Variants in CR2 observed in about 807,000 individuals in gnomAD.
CR2 encodes the protein complement receptor type 2.
CR2 carries 96 observed loss-of-function variants against 123.0 expected under a neutral mutation model. The ratio of observed to expected loss-of-function variants is 0.78; its 90% CI spans 0.66 to 0.93. The LOEUF (loss-of-function observed/expected upper bound fraction) is 0.93. CR2 is among the 40% of genes least tolerant of loss of function. CR2 has a pLI of 0.00. For missense variants in CR2, 1,258 were observed against 1,361.0 expected, an observed-to-expected ratio of 0.92 and a Z score of 1.19; for synonymous variants, 484 against 469.5, an observed-to-expected ratio of 1.03 and a Z score of -0.40.
At position 207,466,519 on chromosome 1, in the gene CR2, T is replaced by C. The variant is rs1198015464; in HGVS notation, c.59-7T>C. 1 of 1,613,966 alleles carries C rather than the reference T, an allele frequency of 6.2e-7. No homozygotes were observed. The highest frequency in any genetic ancestry group is 8.5e-7 in the Non-Finnish European group (1 of 1,179,962). On this transcript the variant is annotated splice_region_variant and splice_polypyrimidine_tract_variant and intron_variant, in intron 1 of 19. Transcript: ENST00000367057. ...TATGCCTACCAAGTTCCTTTTCTAC[T>C]TTTCAGGGATTTCTTGTGGCTCTCC...
Position 207,469,794 on chromosome 1 carries a change from A to T in CR2, c.917A>T (p.Asp306Val). The T allele has an allele frequency of 3.7e-6, 6 of 1,613,952 alleles. No homozygotes were observed. Among genetic ancestry groups the T allele is most frequent in the Non-Finnish European group, 5.1e-6 (6 of 1,179,944 alleles). ...GGAAGCATAGTCACTTACACTTGTG[A>T]CCCGGACCCAGAGGAAGGAGTGAAC... is the stretch of plus-strand genomic sequence containing the variant. ...SYGSIVTYTC[D>V]PDPEEGVNFI... is the part of the protein sequence containing the mutation. The change falls in exon 6 of 20, where the codon GAC becomes GTC. Residue 306 changes from aspartate to valine, a missense_variant. Transcript: ENST00000367057.
intron 5 of CR2, 110 bp downstream of exon 5, chr1:207,469,342 C>T: frequency 1.1e-6 from 1 of 909,036 alleles, no homozygotes; most frequent in African/African-American, 1.6e-5. Context: ...TCCTAGAGAT[C>T]TTTAAGGATA....
intron 18 of CR2, among the ~76,000 whole-genome samples, chr1:207,484,729 T>C (rs1028520806): frequency 6.6e-6 from 1 of 152,244 alleles, no homozygotes; most frequent in Non-Finnish European, 1.5e-5. Context: ...TATTGTCTTT[T>C]AGTAATTCTG....
rs781255614 is a variant in CR2, at chr1:207,470,809, G to A, written c.1295G>A (p.Gly432Glu). 3.0e-4 allele frequency: 482 copies of A among 1,613,842 alleles called. 5 individuals carry two copies. The South Asian group carries it at 5.1e-3, about 17-fold the overall frequency. ...AGACACATGGTCCGCTTTGACCCTG[G>A]AACATCTATAAAATATAGCTGTAAC... ...EDRHMVRFDP[G>E]TSIKYSCNPG... The change falls in exon 7 of 20, where the codon GGA becomes GAA. Residue 432 changes from glycine (G) to glutamate (E), a missense_variant. Transcript: ENST00000367057.
rs200614122 is a variant in CR2, at chr1:207,474,235, C to T, written c.2241-6C>T. 97 of 1,605,524 alleles carry T rather than the reference C, an allele frequency of 6.0e-5. No individual in the cohort carries two copies. The highest frequency in any genetic ancestry group is 8.3e-5 in the Admixed American group (5 of 59,962). On this transcript the variant is annotated splice_region_variant and splice_polypyrimidine_tract_variant and intron_variant, in intron 12 of 19. Coordinates refer to ENST00000367057, the MANE Select transcript of CR2 (RefSeq NM_001006658.3). ...AGGAAATGCATTATAATCTGTCTCT[C>T]TGTAGGTACCAGTTGACTGGACATG...
In CR2 at chr1:207,472,784, C is replaced by T. The variant is rs1658317603; in HGVS notation, c.1583C>T (p.Pro528Leu). 2 of 1,613,778 alleles carry T rather than the reference C, an allele frequency of 1.2e-6. No homozygotes were observed. Among genetic ancestry groups the T allele is most frequent in the Non-Finnish European group, 1.7e-6 (2 of 1,179,866 alleles). The change falls in exon 10 of 20, where the codon CCA becomes CTA. Residue 528 changes from proline (P) to leucine (L), a missense_variant. Transcript: ENST00000367057. ...EIRLCKEITC[P>L]PPPVIYNGAH... is the part of the protein sequence containing the mutation. ...TTCATCTCTCTAGAAATCACCTGCCCACCACCCCCTGTTATCTACAATGGG... is the reference window on the plus strand; with the variant it reads ...TTCATCTCTCTAGAAATCACCTGCCTACCACCCCCTGTTATCTACAATGGG...
In CR2 at chr1:207,472,811, C is replaced by T; in HGVS notation, c.1610C>T (p.Ala537Val). The change falls in exon 10 of 20, where the codon GCA becomes GTA. Residue 537 changes from alanine (A) to valine (V), a missense_variant. Ala to Val is a moderately conservative substitution (Grantham distance 64). Transcript: ENST00000367057. ...CCACCCCCTGTTATCTACAATGGGGCACACACCGGGAGTTCCTTAGAAGAT... is the reference window on the plus strand; with the variant it reads ...CCACCCCCTGTTATCTACAATGGGGTACACACCGGGAGTTCCTTAGAAGAT... Reference protein sequence around the residue: ...CPPPPVIYNGAHTGSSLEDFP... With the variant: ...CPPPPVIYNGVHTGSSLEDFP... 1 of 1,613,966 alleles carries T rather than the reference C, an allele frequency of 6.2e-7. No individual in the cohort carries two copies. The highest frequency in any genetic ancestry group is 8.5e-7 in the Non-Finnish European group (1 of 1,179,916).
In CR2 at chr1:207,476,383, G is replaced by A. The variant is rs759229627; in HGVS notation, c.2866G>A (p.Glu956Lys). The A allele has an allele frequency of 6.8e-6, 11 of 1,613,856 alleles. No individual in the cohort carries two copies. The South Asian group carries it at 1.2e-4, about 18-fold the overall frequency. The change falls in exon 15 of 20, where the codon GAG becomes AAG. Residue 956 changes from glutamate to lysine, a missense_variant. Physicochemically the swap from Glu to Lys is moderately conservative, Grantham distance 56. Coordinates refer to ENST00000367057, the MANE Select transcript of CR2 (RefSeq NM_001006658.3). Reference sequence around the variant, plus strand: ...AGAGGCACTCCTTCTTTGCACACATGAGGGAACCTGGAGCCAACCTGCCCC... The same window carrying A: ...AGAGGCACTCCTTCTTTGCACACATAAGGGAACCTGGAGCCAACCTGCCCC... ...VGEALLLCTH[E>K]GTWSQPAPHC...
chr1:207,478,716 A>G (rs1658517000), intron 16 of CR2, among the ~76,000 whole-genome samples: 1 of 152,128 alleles, frequency 6.6e-6, no homozygotes, highest in Non-Finnish European at 1.5e-5. Context: ...AGACCACCCT[A>G]CGTGCTGAAT....
intron 8 of CR2, 110 bp from the exon 9 acceptor site, chr1:207,471,313 G>C: frequency 1.0e-6 from 1 of 964,318 alleles, no homozygotes; most frequent in East Asian, 2.4e-5. Flanking sequence ...CTACATTTTT[G>C]TTGCTATTGC....
chr1:207,460,155 T>A (rs1657930289), intron 1 of CR2, among the ~76,000 whole-genome samples: 1 of 152,222 alleles, frequency 6.6e-6, no homozygotes, highest in South Asian at 2.1e-4. Flanking sequence ...GAGTCACTAG[T>A]ACAAGTAGTA....
Position 207,474,922 on chromosome 1 carries a change from GA to G in CR2, c.2423del (p.Asp808AlafsTer37), listed in dbSNP as rs867610056. 12 of 1,613,972 alleles carry G rather than the reference GA, an allele frequency of 7.4e-6. No individual in the cohort carries two copies. Among genetic ancestry groups the G allele is most frequent in the African/African-American group, 1.3e-5 (1 of 74,908 alleles). On this transcript the variant is annotated frameshift_variant, in exon 14 of 20. Coordinates refer to ENST00000367057, the MANE Select transcript of CR2 (RefSeq NM_001006658.3). LOFTEE classifies it high-confidence loss of function. Reference sequence around the variant, plus strand: ...TGGAAATGAAGTCTCTTATGAATGTGACCAAGGATTCTATCTCCTGGGAGAG... The same window carrying G: ...TGGAAATGAAGTCTCTTATGAATGTGCCAAGGATTCTATCTCCTGGGAGAG... ...LYGNEVSYEC[D>X]QGFYLLGEKK...
chr1:207,471,709 T>C, intron 9 of CR2: 1 of 509,364 alleles, frequency 2.0e-6, no homozygotes, highest in Non-Finnish European at 3.6e-6. Flanking sequence ...TTACTGATTC[T>C]ATTTTGTGGT....
At chr1:207,479,195 G>C in intron 16 of CR2, 62 bp from the exon 17 acceptor site, 2 of 1,265,490 alleles carry the variant, frequency 1.6e-6, no homozygotes, top group Non-Finnish European at 2.3e-6. Flanking sequence ...ATGAAACGTG[G>C]GGCTACATTG....
At chr1:207,488,747 G>A (rs553570369) in intron 19 of CR2, among the ~76,000 whole-genome samples, 1 of 152,310 alleles carries the variant, frequency 6.6e-6, no homozygotes, top group Admixed American at 6.5e-5. Context: ...GAAAATCTGT[G>A]ATGGCAGTTG....
intron 19 of CR2, among the ~76,000 whole-genome samples, chr1:207,486,904 A>G (rs142617184): frequency 1.3e-5 from 2 of 152,350 alleles, no homozygotes; most frequent in Non-Finnish European, 2.9e-5. Flanking sequence ...GTGGATGTCT[A>G]ATAGACTTGG....
rs763678108 is a variant in CR2 at position 207,476,398 on chromosome 1, C to T, written c.2881C>T (p.Gln961Ter). 3.1e-6 allele frequency: 5 copies of T among 1,613,658 alleles called. No individual in the cohort carries two copies. The highest frequency in any genetic ancestry group is 1.1e-5 in the South Asian group (1 of 91,062). ...TTGCACACATGAGGGAACCTGGAGC[C>T]AACCTGCCCCTCATTGTAAAGGTGC... ...LLCTHEGTWSQPAPHCKEVNC... is the reference protein window; with the variant it reads ...LLCTHEGTWS Residue 961 changes from glutamine to a stop codon, truncating the protein, a stop_gained, in exon 15 of 20, where the codon CAA (glutamine) becomes TAA (stop). Coordinates refer to ENST00000367057, the MANE Select transcript of CR2 (RefSeq NM_001006658.3). LOFTEE classifies it high-confidence loss of function.
At chr1:207,477,140 GA>G (rs1202040112) in intron 15 of CR2, among the ~76,000 whole-genome samples, 1 of 152,206 alleles carries the variant, frequency 6.6e-6, no homozygotes, top group African/African-American at 2.4e-5. Flanking sequence ...AGACATATCT[GA>G]AACTGGGTAA....
At position 207,470,798 on chromosome 1, in the gene CR2, C is replaced by T; in HGVS notation, c.1284C>T (p.Arg428=). The T allele has an allele frequency of 6.2e-7, 1 of 1,613,936 alleles. No individual in the cohort carries two copies. The highest frequency in any genetic ancestry group is 1.1e-5 in the South Asian group (1 of 91,078). ...NGQKEDRHMV[R]FDPGTSIKYS... is the part of the protein sequence containing the mutation. ...AAAAGGAAGATAGACACATGGTCCG[C>T]TTTGACCCTGGAACATCTATAAAAT... The change falls in exon 7 of 20, where the codon CGC becomes CGT. Residue 428 remains arginine (R), a synonymous_variant. Transcript: ENST00000367057.
Sources: gnomAD v4.1 joint callset for allele counts (sites outside exome capture counted in the v4.1 genomes callset) on GRCh38, gnomAD v4.1.1 for gene constraint, MANE v1.5 for transcripts, NCBI Gene and HGNC (gene_info 2026-07-23, HGNC 2026-07-21) for gene names.